Variants in EPB41L3 observed in about 807,000 individuals in gnomAD.
EPB41L3 encodes erythrocyte membrane protein band 4.1 like 3, also known as band 4.1-like protein 3.
EPB41L3 carries 57 observed loss-of-function variants against 127.1 expected under a neutral mutation model. The ratio of observed to expected loss-of-function variants is 0.45; its 90% CI spans 0.36 to 0.56. The LOEUF (loss-of-function observed/expected upper bound fraction) is 0.56. Among genes scored for constraint, EPB41L3 ranks in the 20% least tolerant of loss-of-function variants. EPB41L3 has a pLI of 0.00. For synonymous variants in EPB41L3, 572 were observed against 549.5 expected (o/e 1.04, Z -0.57); for missense variants, 1,273 against 1,372.2 (o/e 0.93, Z 1.14).
At chr18:5,396,355 G>T in intron 18 of EPB41L3, 23 bp from the exon 19 acceptor site, 6 of 1,614,006 alleles carry the variant, frequency 3.7e-6, no homozygotes, top group Non-Finnish European at 4.2e-6. Flanking sequence ...GGAGTAAGCA[G>T]AGTGGCTGTT....
intron 3 of EPB41L3, among the ~76,000 whole-genome samples, chr18:5,581,998 A>C (rs567224234): frequency 6.6e-6 from 1 of 152,218 alleles, no homozygotes; most frequent in African/African-American, 2.4e-5. Context: ...CCCTGTCTTA[A>C]AAACAAACAA....
intron 3 of EPB41L3, among the ~76,000 whole-genome samples, chr18:5,590,636 C>T (rs1390951034): frequency 6.6e-6 from 1 of 151,936 alleles, no homozygotes; most frequent in Non-Finnish European, 1.5e-5. Context: ...TAATAATTGC[C>T]AAAAGTTGGA....
At chr18:5,420,672 T>A (rs971124534) in intron 11 of EPB41L3, among the ~76,000 whole-genome samples, 2 of 152,188 alleles carry the variant, frequency 1.3e-5, no homozygotes, top group Admixed American at 6.5e-5. Context: ...GAGCCTTTCA[T>A]CCCAGCTAAA....
intron 20 of EPB41L3, among the ~76,000 whole-genome samples, 164 bp from the exon 21 acceptor site, chr18:5,395,311 G>T (rs1424163496): frequency 6.6e-6 from 1 of 152,182 alleles, no homozygotes; most frequent in Non-Finnish European, 1.5e-5. Context: ...AGGTGAGGAC[G>T]GAATGGAGGC....
chr18:5,615,573 G>A (rs2094784976), intron 1 of EPB41L3, among the ~76,000 whole-genome samples: 1 of 152,084 alleles, frequency 6.6e-6, no homozygotes, highest in East Asian at 1.9e-4. Context: ...GAGTGTGATT[G>A]TTTTTATCTC....
chr18:5,551,279 G>A (rs139948894), intron 3 of EPB41L3, among the ~76,000 whole-genome samples: 14 of 152,224 alleles, frequency 9.2e-5, no homozygotes, highest in African/African-American at 2.4e-4. Flanking sequence ...TCTGAAAATC[G>A]TTGTATAACC....
intron 6 of EPB41L3, 129 bp downstream of exon 6, chr18:5,437,906 C>T (rs2080099065): frequency 7.1e-6 from 5 of 703,690 alleles, no homozygotes; most frequent in Non-Finnish European, 1.2e-5. Context: ...CGTTCATTTG[C>T]CTTTTGTTTG....
At chr18:5,600,512 T>G (rs1188154348) in intron 3 of EPB41L3, among the ~76,000 whole-genome samples, 1 of 152,172 alleles carries the variant, frequency 6.6e-6, no homozygotes, top group Non-Finnish European at 1.5e-5. Context: ...TATATTCAAC[T>G]AATTTTTGCC....
rs2072682881 is a variant in EPB41L3, at chr18:5,393,216, A to G, written c.*269T>C. ...TGCAGGTATAGCTGAAAACTGAGACATTTTGTGAAAATTAAAAATGCTGCT... is the reference window on the plus strand; with the variant it reads ...TGCAGGTATAGCTGAAAACTGAGACGTTTTGTGAAAATTAAAAATGCTGCT... On this transcript the variant is annotated 3_prime_UTR_variant, in exon 23 of 23. Coordinates refer to ENST00000341928, the MANE Select transcript of EPB41L3 (RefSeq NM_012307.5). 1 of 406,428 alleles carries G rather than the reference A, an allele frequency of 2.5e-6. No homozygotes were observed. Among genetic ancestry groups the G allele is most frequent in the Non-Finnish European group, 4.4e-6 (1 of 229,306 alleles). 25.2% of individuals were successfully genotyped at this position (406,428 alleles called of 1,614,324 possible). A position where few individuals can be genotyped will look rare whatever the true frequency, so the allele number is the denominator to read the frequency against.
chr18:5,459,724 A>G (rs370814342), intron 3 of EPB41L3, among the ~76,000 whole-genome samples: 3 of 152,220 alleles, frequency 2.0e-5, no homozygotes, highest in East Asian at 3.8e-4. Flanking sequence ...TGCTAATAAT[A>G]TCAGTGTGTA....
At position 5,398,017 on chromosome 18, in the gene EPB41L3, C is replaced by A; in HGVS notation, c.2472+4G>T. ...AAACACCAAGGACGAAAACAAATGGCCACCTGAACCCAGCTTTGAGAAGTA... is the reference window on the plus strand; with the variant it reads ...AAACACCAAGGACGAAAACAAATGGACACCTGAACCCAGCTTTGAGAAGTA... On this transcript the variant is annotated splice_donor_region_variant and intron_variant, in intron 17 of 22. Transcript: ENST00000341928. 1 of 1,614,074 alleles carries A rather than the reference C, an allele frequency of 6.2e-7. No individual in the cohort carries two copies. The highest frequency in any genetic ancestry group is 2.2e-5 in the East Asian group (1 of 44,878).
intron 3 of EPB41L3, among the ~76,000 whole-genome samples, chr18:5,464,881 A>G (rs1417285883): frequency 6.6e-6 from 1 of 152,178 alleles, no homozygotes; most frequent in Admixed American, 6.5e-5. Context: ...ACTTCCTCAG[A>G]TCCTTTCTTT....
chr18:5,571,794 T>C (rs2094284012), intron 3 of EPB41L3, among the ~76,000 whole-genome samples: 1 of 151,658 alleles, frequency 6.6e-6, no homozygotes, highest in Admixed American at 6.5e-5. Context: ...CATTCCCAAA[T>C]ATGTTGGCAA....
At chr18:5,497,057 GC>G (rs1299289365) in intron 1 of EPB41L3, among the ~76,000 whole-genome samples, 1 of 152,204 alleles carries the variant, frequency 6.6e-6, no homozygotes, top group African/African-American at 2.4e-5. Flanking sequence ...AGAAGAATCT[GC>G]CATATGCAGA....
chr18:5,585,509 G>T (rs1279388129), intron 3 of EPB41L3, among the ~76,000 whole-genome samples: 4 of 152,026 alleles, frequency 2.6e-5, no homozygotes, highest in Non-Finnish European at 1.5e-5. Context: ...TTGCCATGTT[G>T]GCCAGGCTGG....
At chr18:5,502,095 C>T (rs763585683) in intron 1 of EPB41L3, among the ~76,000 whole-genome samples, 9 of 152,186 alleles carry the variant, frequency 5.9e-5, no homozygotes, top group African/African-American at 1.4e-4. Flanking sequence ...GATAAAAGGA[C>T]GGCCCTGTGG....
intron 6 of EPB41L3, among the ~76,000 whole-genome samples, chr18:5,436,403 CTTTTTTTT>C (rs34862547): frequency 0.011 from 1,094 of 100,642 alleles, 9 homozygotes; most frequent in African/African-American, 0.035. Context: ...CATTTTCTTT[CTTTTTTTT>C]TTTTTTTTTT....
chr18:5,554,102 T>C (rs1425473267), intron 3 of EPB41L3, among the ~76,000 whole-genome samples: 1 of 152,206 alleles, frequency 6.6e-6, no homozygotes, highest in African/African-American at 2.4e-5. Flanking sequence ...CCTGCACACC[T>C]TAAATATACA....
intron 1 of EPB41L3, among the ~76,000 whole-genome samples, chr18:5,618,363 A>G (rs1277094018): frequency 6.6e-6 from 1 of 152,228 alleles, no homozygotes; most frequent in Non-Finnish European, 1.5e-5. Flanking sequence ...GAGAGTGCCA[A>G]TACCTCCCAA....
Sources: allele counts gnomAD v4.1 joint callset (sites outside exome capture counted in the v4.1 genomes callset), GRCh38; gene constraint gnomAD v4.1.1; transcripts MANE v1.5; gene names NCBI Gene and HGNC (gene_info 2026-07-23, HGNC 2026-07-21).